Variants in SLC10A7 observed in about 807,000 individuals in gnomAD.
SLC10A7 encodes solute carrier family 10 member 7, also known as sodium/bile acid cotransporter 7.
Under a neutral mutation model 43.2 loss-of-function variants are expected in SLC10A7, and 29 were observed. The observed-to-expected ratio is 0.67, with a 90% CI of 0.50 to 0.92. SLC10A7 has a LOEUF of 0.92. SLC10A7 is among the 40% of genes least tolerant of loss of function. SLC10A7 has a pLI of 0.00. For missense variants in SLC10A7, 295 were observed against 403.2 expected, an observed-to-expected ratio of 0.73 and a Z score of 2.30; for synonymous variants, 152 against 144.8, an observed-to-expected ratio of 1.05 and a Z score of -0.35.
At chr4:146,303,581 C>A (rs1303936652) in intron 7 of SLC10A7, among the ~76,000 whole-genome samples, 1 of 151,946 alleles carries the variant, frequency 6.6e-6, no homozygotes, top group Non-Finnish European at 1.5e-5. Context: ...GGTTTCATCA[C>A]ATTGCCCAGG....
intron 4 of SLC10A7, among the ~76,000 whole-genome samples, chr4:146,481,433 C>G (rs1434284431): frequency 1.3e-5 from 2 of 152,182 alleles, no homozygotes; most frequent in Non-Finnish European, 2.9e-5. Context: ...CACTTTGTGT[C>G]ACAGAACCTG....
intron 5 of SLC10A7, among the ~76,000 whole-genome samples, chr4:146,374,337 C>T (rs1737007380): frequency 6.6e-6 from 1 of 151,990 alleles, no homozygotes; most frequent in Admixed American, 6.6e-5. Context: ...GTCTGTAATC[C>T]TAGCACTTTG....
At chr4:146,474,938 A>C (rs898737731) in intron 4 of SLC10A7, among the ~76,000 whole-genome samples, 1 of 152,148 alleles carries the variant, frequency 6.6e-6, no homozygotes, top group Non-Finnish European at 1.5e-5. Context: ...GTACCAGAGC[A>C]TTCCCTTCCC....
At chr4:146,441,392 C>T (rs572927792) in intron 5 of SLC10A7, among the ~76,000 whole-genome samples, 11 of 152,202 alleles carry the variant, frequency 7.2e-5, no homozygotes, top group East Asian at 1.9e-4. Context: ...ACAAAGGAAT[C>T]GTATATTTTG....
At chr4:146,504,686 A>C (rs1296248022) in intron 3 of SLC10A7, among the ~76,000 whole-genome samples, 4 of 152,234 alleles carry the variant, frequency 2.6e-5, no homozygotes, top group Non-Finnish European at 5.9e-5. Context: ...AATACTTGAC[A>C]AGACACAAGC....
intron 2 of SLC10A7, among the ~76,000 whole-genome samples, chr4:146,516,801 T>A (rs1306860736): frequency 2.0e-5 from 3 of 152,070 alleles, no homozygotes; most frequent in Non-Finnish European, 4.4e-5. Context: ...AGCTGTCATA[T>A]TAAAAACATA....
At chr4:146,330,135 T>C (rs1322392290) in intron 5 of SLC10A7, among the ~76,000 whole-genome samples, 1 of 152,206 alleles carries the variant, frequency 6.6e-6, no homozygotes, top group African/African-American at 2.4e-5. Context: ...CAGATGTGAA[T>C]GACTAGGTGA....
At chr4:146,310,282 A>G (rs1341607027) in intron 6 of SLC10A7, among the ~76,000 whole-genome samples, 2 of 152,158 alleles carry the variant, frequency 1.3e-5, no homozygotes, top group African/African-American at 4.8e-5. Flanking sequence ...AGTGATGAAC[A>G]TGTGAGTGTA....
intron 4 of SLC10A7, among the ~76,000 whole-genome samples, chr4:146,449,288 G>C (rs1731369366): frequency 6.6e-6 from 1 of 152,190 alleles, no homozygotes; most frequent in Non-Finnish European, 1.5e-5. Flanking sequence ...GGTAGGGCAA[G>C]GAGAGACAGT....
chr4:146,405,716 A>ATTTG, intron 5 of SLC10A7, among the ~76,000 whole-genome samples: 1 of 152,174 alleles, frequency 6.6e-6, no homozygotes, highest in Middle Eastern at 3.2e-3. Flanking sequence ...AGATGTACAA[A>ATTTG]TACCTTGGAT....
intron 10 of SLC10A7, among the ~76,000 whole-genome samples, chr4:146,264,962 G>C (rs1728464025): frequency 6.6e-6 from 1 of 152,060 alleles, no homozygotes; most frequent in Non-Finnish European, 1.5e-5. Context: ...ACAAATCACA[G>C]TGAGATTAAT....
At chr4:146,386,590 C>T (rs370712149) in intron 5 of SLC10A7, among the ~76,000 whole-genome samples, 1 of 152,144 alleles carries the variant, frequency 6.6e-6, no homozygotes, top group Non-Finnish European at 1.5e-5. Flanking sequence ...GCTATTCTGG[C>T]CCTTCAAAGG....
Position 146,335,927 on chromosome 4 carries a change from G to T in SLC10A7, c.436-9931C>A, listed in dbSNP as rs375684802. 1.8e-4 allele frequency among the ~76,000 whole-genome samples: 27 copies of T among 152,106 alleles called. 1 individual carries two copies. The South Asian group carries it at 5.6e-3, about 32-fold the overall frequency. On this transcript the variant is annotated intron_variant, in intron 5 of 11. Coordinates refer to ENST00000335472, the MANE Select transcript of SLC10A7 (RefSeq NM_001029998.6). Reference sequence around the variant, plus strand: ...CTCACTAGATTGAAATGTGATCTAAGCGCCAGCAACATTGATTTCACCTGG... The same window carrying T: ...CTCACTAGATTGAAATGTGATCTAATCGCCAGCAACATTGATTTCACCTGG...
Position 146,320,466 on chromosome 4 carries a change from G to A in SLC10A7, c.471+5495C>T, listed in dbSNP as rs116316018. Among the ~76,000 whole-genome samples the A allele has an allele frequency of 7.5e-3, 1,138 of 152,098 alleles. 13 individuals are homozygous for A. The highest frequency in any genetic ancestry group is 0.026 in the African/African-American group (1,100 of 41,526). ...AAGTAAATGAATTGGCCATTCCAGT[G>A]AAGAACTTTTGATTTTGGGAATAAA... is the stretch of plus-strand genomic sequence containing the variant. On this transcript the variant is annotated intron_variant, in intron 6 of 11. Coordinates refer to ENST00000335472, the MANE Select transcript of SLC10A7 (RefSeq NM_001029998.6).
chr4:146,518,577 C>A (rs889831176), intron 1 of SLC10A7, among the ~76,000 whole-genome samples: 7 of 152,038 alleles, frequency 4.6e-5, no homozygotes, highest in Non-Finnish European at 1.0e-4. Flanking sequence ...AATTCATGCC[C>A]ACCCAGAACC....
At chr4:146,298,723 T>C (rs1413649281) in intron 7 of SLC10A7, among the ~76,000 whole-genome samples, 1 of 152,232 alleles carries the variant, frequency 6.6e-6, no homozygotes, top group African/African-American at 2.4e-5. Flanking sequence ...GAGAAAATGC[T>C]ATGACAGCCG....
chr4:146,445,891 C>CTGTGTGTGTGTGTGTG (rs10678013), intron 4 of SLC10A7, among the ~76,000 whole-genome samples: 3 of 148,586 alleles, frequency 2.0e-5, no homozygotes, highest in African/African-American at 7.4e-5. Context: ...CTTCTCTCTT[C>CTGTGTGTGTGTGTGTG]TGTGTGTGTG....
At chr4:146,447,488 G>A (rs1731197931) in intron 4 of SLC10A7, among the ~76,000 whole-genome samples, 1 of 152,094 alleles carries the variant, frequency 6.6e-6, no homozygotes, top group Non-Finnish European at 1.5e-5. Context: ...CCTCTAGAAT[G>A]CTCCATTACA....
At chr4:146,438,029 CA>C (rs148182624) in intron 5 of SLC10A7, among the ~76,000 whole-genome samples, 5,953 of 151,970 alleles carry the variant, frequency 0.039, 159 homozygotes, top group Middle Eastern at 0.065. Flanking sequence ...GGAAAAATTA[CA>C]AGAAGGTGAT....
Sources: allele counts gnomAD v4.1 joint callset (sites outside exome capture counted in the v4.1 genomes callset), GRCh38; gene constraint gnomAD v4.1.1; transcripts MANE v1.5; gene names NCBI Gene and HGNC (gene_info 2026-07-23, HGNC 2026-07-21).